The following ADARB2 variants were observed in gnomAD, a reference collection of about 807,000 sequenced individuals.
ADARB2 encodes inactive double-stranded RNA-specific editase B2.
A neutral mutation model predicts 62.2 loss-of-function variants in ADARB2; 25 were observed. The ratio of observed to expected loss-of-function variants is 0.40; its 90% CI spans 0.29 to 0.56. The LOEUF is 0.56. Ranked by LOEUF, ADARB2 falls within the 20% of genes least tolerant of loss-of-function variation. The pLI, the probability that ADARB2 is intolerant of heterozygous loss-of-function variation, is 0.43. For synonymous variants in ADARB2, 572 were observed against 500.8 expected, an observed-to-expected ratio of 1.14 and a Z score of -1.90; for missense variants, 1,071 against 1,077.4, an observed-to-expected ratio of 0.99 and a Z score of 0.08.
chr10:1,478,292 G>C (rs533852492), intron 1 of ADARB2, among the ~76,000 whole-genome samples: 3 of 152,302 alleles, frequency 2.0e-5, no homozygotes, highest in East Asian at 1.9e-4. Context: ...GACATCAGAG[G>C]GGGTGGGTCT....
At chr10:1,277,196 A>T (rs1385602481) in intron 3 of ADARB2, among the ~76,000 whole-genome samples, 19 of 152,366 alleles carry the variant, frequency 1.2e-4, no homozygotes, top group Admixed American at 3.9e-4. Flanking sequence ...AATGAAAAGA[A>T]CTAGAGACAC....
At chr10:1,636,595 A>G (rs1213470694) in intron 1 of ADARB2, among the ~76,000 whole-genome samples, 2 of 152,072 alleles carry the variant, frequency 1.3e-5, no homozygotes, top group Non-Finnish European at 2.9e-5. Flanking sequence ...ACCACAGTTC[A>G]TGCCACCAGT....
chr10:1,643,254 G>A (rs988466276), intron 1 of ADARB2, among the ~76,000 whole-genome samples: 8 of 152,204 alleles, frequency 5.3e-5, no homozygotes, highest in African/African-American at 1.9e-4. Context: ...TGTTAATGAT[G>A]TTTTACATGA....
At chr10:1,510,098 T>TTCTTTCTTTCTC (rs1564312425) in intron 1 of ADARB2, among the ~76,000 whole-genome samples, 3 of 121,342 alleles carry the variant, frequency 2.5e-5, no homozygotes, top group East Asian at 2.2e-4. Flanking sequence ...TCTCTCTCTT[T>TTCTTTCTTTCTC]TCTTTCTTTC....
At chr10:1,567,847 C>T (rs565063122) in intron 1 of ADARB2, among the ~76,000 whole-genome samples, 2 of 152,332 alleles carry the variant, frequency 1.3e-5, no homozygotes, top group South Asian at 4.1e-4. Context: ...TTATGTGCCT[C>T]ACTCGAGGCC....
At chr10:1,414,873 T>G (rs1832788764) in intron 1 of ADARB2, among the ~76,000 whole-genome samples, 2 of 151,994 alleles carry the variant, frequency 1.3e-5, no homozygotes, top group Admixed American at 1.3e-4. Flanking sequence ...GCTGGATGAG[T>G]GGCTCATGGA....
At chr10:1,245,903 G>A (rs978700486) in intron 4 of ADARB2, among the ~76,000 whole-genome samples, 1 of 151,574 alleles carries the variant, frequency 6.6e-6, no homozygotes, top group Non-Finnish European at 1.5e-5. Context: ...GATCCCTGAG[G>A]AATCACCATA....
chr10:1,214,973 C>T (rs1837213679), intron 7 of ADARB2, among the ~76,000 whole-genome samples: 1 of 152,186 alleles, frequency 6.6e-6, no homozygotes, highest in African/African-American at 2.4e-5. Context: ...GAAGGTGGAA[C>T]CATTGTTGTT....
At chr10:1,249,009 C>T (rs146073848) in intron 4 of ADARB2, among the ~76,000 whole-genome samples, 24 of 152,294 alleles carry the variant, frequency 1.6e-4, no homozygotes, top group East Asian at 3.9e-4. Context: ...GCCATACTGA[C>T]GTAGCCTGCA....
At chr10:1,675,132 C>T in intron 1 of ADARB2, 2 of 981,604 alleles carry the variant, frequency 2.0e-6, no homozygotes, top group South Asian at 4.7e-5. Flanking sequence ...CATGGATGTT[C>T]TGGAGGTTTA....
chr10:1,637,548 T>C (rs1198180258), intron 1 of ADARB2, among the ~76,000 whole-genome samples: 2 of 152,214 alleles, frequency 1.3e-5, no homozygotes, highest in African/African-American at 2.4e-5. Flanking sequence ...TTCCCTAAAA[T>C]AACGTATTTG....
chr10:1,510,110 C>CTCTTTCTCTCTTTCCTTCTT (rs1554767638), intron 1 of ADARB2, among the ~76,000 whole-genome samples: 3 of 106,252 alleles, frequency 2.8e-5, no homozygotes, highest in South Asian at 7.4e-4. Context: ...CTTTCTTTCT[C>CTCTTTCTCTCTTTCCTTCTT]TCTTTCTTTC....
At chr10:1,528,287 A>T (rs1470914574) in intron 1 of ADARB2, among the ~76,000 whole-genome samples, 1 of 152,222 alleles carries the variant, frequency 6.6e-6, no homozygotes, top group Admixed American at 6.5e-5. Flanking sequence ...TTAAAGGGAC[A>T]TATCAAATAC....
At chr10:1,574,882 TGGAGA>T (rs771725636) in intron 1 of ADARB2, among the ~76,000 whole-genome samples, 24 of 151,486 alleles carry the variant, frequency 1.6e-4, no homozygotes, top group Non-Finnish European at 2.8e-4. Context: ...GTTGGCAGAG[TGGAGA>T]GGAAAGAGGA....
chr10:1,543,390 G>C (rs1156252825), intron 1 of ADARB2, among the ~76,000 whole-genome samples: 1 of 152,218 alleles, frequency 6.6e-6, no homozygotes, highest in Admixed American at 6.5e-5. Context: ...CCCTTGAATA[G>C]CAGACGGGGA....
Position 1,213,220 on chromosome 10 carries a change from CAG to C in ADARB2, c.1682+3729_1682+3730del, listed in dbSNP as rs577609548. Among the ~76,000 whole-genome samples, 3 of 151,874 alleles carry C rather than the reference CAG, an allele frequency of 2.0e-5. No homozygotes were observed. In the East Asian group the frequency reaches 5.8e-4, roughly 29 times the overall value. On this transcript the variant is annotated intron_variant, in intron 7 of 9. Transcript: ENST00000381312. ...ACAAAGAGAGACAGAGATGGGCACA[CAG>C]AGAAAGAGACAGAGAGACAAGGACA...
intron 1 of ADARB2, among the ~76,000 whole-genome samples, chr10:1,624,427 C>A (rs1314120211): frequency 6.6e-6 from 1 of 152,196 alleles, no homozygotes; most frequent in Non-Finnish European, 1.5e-5. Flanking sequence ...CCGAGCACAG[C>A]CCCACAGCTG....
At chr10:1,589,900 G>A (rs534825246) in intron 1 of ADARB2, among the ~76,000 whole-genome samples, 1 of 152,198 alleles carries the variant, frequency 6.6e-6, no homozygotes, top group Non-Finnish European at 1.5e-5. Context: ...TCAAACTCCT[G>A]ACCTCAGGTG....
intron 3 of ADARB2, among the ~76,000 whole-genome samples, chr10:1,307,594 G>A (rs2131821020): frequency 7.0e-6 from 1 of 143,058 alleles, no homozygotes. Context: ...ATACCCAAAG[G>A]ACTATAAATC....
Sources: gnomAD v4.1 joint callset for allele counts (sites outside exome capture counted in the v4.1 genomes callset) on GRCh38, gnomAD v4.1.1 for gene constraint, MANE v1.5 for transcripts, NCBI Gene and HGNC (gene_info 2026-07-23, HGNC 2026-07-21) for gene names.